Variants in SLC9A2 observed in about 807,000 individuals in gnomAD.
SLC9A2 encodes solute carrier family 9 member A2.
SLC9A2 carries 42 observed loss-of-function variants against 71.7 expected under a neutral mutation model. The ratio of observed to expected loss-of-function variants is 0.59; its 90% CI spans 0.46 to 0.76. The LOEUF is 0.76. SLC9A2 is among the 30% of genes least tolerant of loss of function. The probability of loss-of-function intolerance (pLI) is 0.00; values close to 1 mark genes in which losing one functional copy is unlikely to be tolerated. For synonymous variants in SLC9A2, 396 were observed against 392.5 expected (o/e 1.01, Z -0.10); for missense variants, 829 against 1,017.4 (o/e 0.81, Z 2.52).
chr2:102,648,331 T>C (rs1464643898), intron 1 of SLC9A2, among the ~76,000 whole-genome samples: 2 of 152,160 alleles, frequency 1.3e-5, no homozygotes, highest in African/African-American at 4.8e-5. Context: ...GAGGTATTGA[T>C]GGAACATATT....
chr2:102,699,726 A>G lies in SLC9A2; in HGVS notation c.1587-1344A>G, dbSNP rs532236407. On this transcript the variant is annotated intron_variant, in intron 7 of 11. Coordinates refer to ENST00000233969, the MANE Select transcript of SLC9A2 (RefSeq NM_003048.6). The stretch of plus-strand genomic sequence containing the variant: ...TGGCTCAACAGAAATGAATTGTCTC[A>G]TAATCCTGGGGGCTAGAAGTCAGAC... Among the ~76,000 whole-genome samples, 3 of 152,298 alleles carry G rather than the reference A, an allele frequency of 2.0e-5. No individual in the cohort carries two copies. In the South Asian group the frequency reaches 6.2e-4, roughly 32 times the overall value.
At chr2:102,698,250 A>G (rs1677804874) in intron 7 of SLC9A2, among the ~76,000 whole-genome samples, 1 of 152,240 alleles carries the variant, frequency 6.6e-6, no homozygotes, top group Non-Finnish European at 1.5e-5. Context: ...AACCAAGCAC[A>G]TTCAGGATGG....
At chr2:102,707,316 T>G (rs1678000924) in intron 11 of SLC9A2, among the ~76,000 whole-genome samples, 1 of 134,088 alleles carries the variant, frequency 7.5e-6, no homozygotes, top group African/African-American at 2.7e-5. Flanking sequence ...TTTTTTTTTT[T>G]GCTTGTTTAT....
chr2:102,701,411 T>C (rs552244602), intron 8 of SLC9A2, among the ~76,000 whole-genome samples, 180 bp downstream of exon 8: 4 of 152,332 alleles, frequency 2.6e-5, no homozygotes, highest in Non-Finnish European at 5.9e-5. Flanking sequence ...GAATCATTTT[T>C]CTATGGGGAC....
At chr2:102,679,486 A>G (rs946631106) in intron 3 of SLC9A2, among the ~76,000 whole-genome samples, 4 of 151,120 alleles carry the variant, frequency 2.6e-5, no homozygotes, top group African/African-American at 9.8e-5. Context: ...GGTTCACGCC[A>G]TTCTTCTGCC....
At chr2:102,685,049 A>G (rs973129989) in intron 5 of SLC9A2, among the ~76,000 whole-genome samples, 1 of 152,236 alleles carries the variant, frequency 6.6e-6, no homozygotes, top group African/African-American at 2.4e-5. Context: ...GGATAGAGTA[A>G]GGAGTCAAGC....
intron 1 of SLC9A2, among the ~76,000 whole-genome samples, chr2:102,620,435 T>C (rs973675112): frequency 2.0e-5 from 3 of 152,212 alleles, no homozygotes; most frequent in Admixed American, 2.0e-4. Context: ...TCTGCTTAAG[T>C]TGAGTGAGAT....
chr2:102,661,723 T>C (rs1677052706), intron 2 of SLC9A2, among the ~76,000 whole-genome samples: 1 of 152,218 alleles, frequency 6.6e-6, no homozygotes, highest in East Asian at 1.9e-4. Flanking sequence ...ATTTCAAAGC[T>C]GTCAAATTAG....
intron 1 of SLC9A2, among the ~76,000 whole-genome samples, chr2:102,643,397 T>G (rs1392497654): frequency 6.6e-6 from 1 of 152,202 alleles, no homozygotes; most frequent in Non-Finnish European, 1.5e-5. Context: ...GGTGTTTGGC[T>G]GGAGAGGAGC....
At chr2:102,704,758 C>G in intron 10 of SLC9A2, 83 bp downstream of exon 10, 2 of 1,437,220 alleles carry the variant, frequency 1.4e-6, no homozygotes, top group East Asian at 4.9e-5. Flanking sequence ...ATCATCAGCT[C>G]TGCAGATCAA....
At chr2:102,706,515 G>A (rs1677980197) in intron 11 of SLC9A2, among the ~76,000 whole-genome samples, 2 of 152,162 alleles carry the variant, frequency 1.3e-5, no homozygotes, top group South Asian at 4.1e-4. Flanking sequence ...CATGGCACAT[G>A]TATACATATG....
intron 1 of SLC9A2, among the ~76,000 whole-genome samples, chr2:102,632,634 G>A (rs1336887969): frequency 6.6e-6 from 1 of 152,008 alleles, no homozygotes; most frequent in Non-Finnish European, 1.5e-5. Flanking sequence ...TGGTGGGTAG[G>A]GCAGGGGAAT....
intron 1 of SLC9A2, among the ~76,000 whole-genome samples, chr2:102,624,317 A>C (rs1676200683): frequency 6.6e-6 from 1 of 152,212 alleles, no homozygotes; most frequent in Non-Finnish European, 1.5e-5. Context: ...GAATATTTAT[A>C]TTTTGAGCAA....
chr2:102,684,739 G>A (rs6716756), intron 5 of SLC9A2, among the ~76,000 whole-genome samples: 22,892 of 152,218 alleles, frequency 0.15, 1,904 homozygotes, highest in Non-Finnish European at 0.18. Flanking sequence ...ATGGATGAAT[G>A]CACGTTTAAT....
At chr2:102,673,884 C>A (rs1677300595) in intron 3 of SLC9A2, among the ~76,000 whole-genome samples, 1 of 151,184 alleles carries the variant, frequency 6.6e-6, no homozygotes, top group South Asian at 2.1e-4. Context: ...CCTCCTGGGT[C>A]CATGCCCATT....
At chr2:102,681,245 G>A (rs7606208) in intron 3 of SLC9A2, among the ~76,000 whole-genome samples, 49,392 of 151,974 alleles carry the variant, frequency 0.33, 8,607 homozygotes, top group East Asian at 0.47. Context: ...CCACAGTGCT[G>A]GCTTTGTTTT....
At position 102,619,953 on chromosome 2, in the gene SLC9A2, C is replaced by T. The variant is rs773541177; in HGVS notation, c.105C>T (p.Thr35=). 69 of 1,611,872 alleles carry T rather than the reference C, an allele frequency of 4.3e-5. No homozygotes were observed. The highest frequency in any genetic ancestry group is 5.4e-5 in the Non-Finnish European group (64 of 1,179,028). Residue 35 remains threonine (T), a synonymous_variant, in exon 1 of 12, where the codon ACC becomes ACT. Coordinates refer to ENST00000233969, the MANE Select transcript of SLC9A2 (RefSeq NM_003048.6). This position sits in a 1 kb window ranked among gnomAD's most constrained non-coding sequence, Gnocchi z 4.3. ...GGCCCGTGGGCGCCCTGGCGGAGACCTTGCTGAACGCGCCGAGGGCCATGG... is the reference window on the plus strand; with the variant it reads ...GGCCCGTGGGCGCCCTGGCGGAGACTTTGCTGAACGCGCCGAGGGCCATGG... ...VAGPVGALAE[T]LLNAPRAMGT... is the part of the protein sequence containing the mutation.
chr2:102,654,084 G>C (rs937803258), intron 1 of SLC9A2, among the ~76,000 whole-genome samples: 2 of 152,066 alleles, frequency 1.3e-5, no homozygotes, highest in Non-Finnish European at 2.9e-5. Flanking sequence ...GCAGTCCTCC[G>C]ATGGCATGCT....
chr2:102,655,054 A>G (rs138732240), intron 1 of SLC9A2, among the ~76,000 whole-genome samples: 1 of 152,218 alleles, frequency 6.6e-6, no homozygotes, highest in African/African-American at 2.4e-5. Context: ...AGTCCTAGAC[A>G]TTAGTGTACA....
Sources: gnomAD v4.1 joint callset for allele counts (sites outside exome capture counted in the v4.1 genomes callset) on GRCh38, gnomAD v4.1.1 for gene constraint, Gnocchi (gnomAD v3.1) non-coding constraint, MANE v1.5 for transcripts, NCBI Gene and HGNC (gene_info 2026-07-23, HGNC 2026-07-21) for gene names.